Variants in SUFU observed in about 807,000 individuals in gnomAD.
SUFU encodes the protein SUFU negative regulator of hedgehog signaling.
Under a neutral mutation model 58.9 loss-of-function variants are expected in SUFU, and 7 were observed. The observed-to-expected ratio is 0.12, with a 90% CI of 0.07 to 0.22. The LOEUF is 0.22. Ranked by LOEUF, SUFU falls within the 10% of genes least tolerant of loss-of-function variation. SUFU has a pLI of 1.00. For synonymous variants in SUFU, 232 were observed against 254.8 expected, an observed-to-expected ratio of 0.91 and a Z score of 0.85; for missense variants, 451 against 641.3, an observed-to-expected ratio of 0.70 and a Z score of 3.20.
In SUFU at chr10:102,568,874, CAAAAAAAAAA is replaced by C. The variant is rs59877393; in HGVS notation, c.454+18783_454+18792del. On this transcript the variant is annotated intron_variant, in intron 3 of 11. Transcript: ENST00000369902. ...GGGCGACAAGAGCAAAACTCTGTCT[CAAAAAAAAAA>C]AAAAAAAAAAAAAATATATATATAT... is the stretch of plus-strand genomic sequence containing the variant. Among the ~76,000 whole-genome samples, 16 of 14,542 alleles carry C rather than the reference CAAAAAAAAAA, an allele frequency of 1.1e-3. 2 individuals are homozygous for C. The highest frequency in any genetic ancestry group is 4.8e-3 in the African/African-American group (14 of 2,906). The allele number at this position is 14,542 out of a possible 152,430, so 9.5% of individuals were successfully genotyped here.
At chr10:102,547,962 G>A (rs1251776077) in intron 2 of SUFU, among the ~76,000 whole-genome samples, 1 of 151,994 alleles carries the variant, frequency 6.6e-6, no homozygotes, top group Non-Finnish European at 1.5e-5. Context: ...ACCAGTCTGG[G>A]CAACATAGGG....
chr10:102,557,141 G>T (rs1277168779), intron 3 of SUFU, among the ~76,000 whole-genome samples: 1 of 151,840 alleles, frequency 6.6e-6, no homozygotes, highest in Non-Finnish European at 1.5e-5. Flanking sequence ...TACTTGGGAG[G>T]CTGAGTTTGA....
chr10:102,527,035 C>A (rs373073408), intron 2 of SUFU, among the ~76,000 whole-genome samples: 3 of 125,774 alleles, frequency 2.4e-5, no homozygotes, highest in African/African-American at 6.2e-5. Context: ...CTCGCTCTGT[C>A]GCCCAGGCTG....
chr10:102,596,444 C>T (rs1014056872), intron 6 of SUFU, among the ~76,000 whole-genome samples: 1 of 152,164 alleles, frequency 6.6e-6, no homozygotes, highest in African/African-American at 2.4e-5. Context: ...AGTACCAAGG[C>T]CTGCACAAAG....
chr10:102,603,635 T>G lies in SUFU; in HGVS notation c.1022+4091T>G, dbSNP rs141667426. Among the ~76,000 whole-genome samples, 1,455 of 152,232 alleles carry G rather than the reference T, an allele frequency of 9.6e-3. 18 individuals are homozygous for G. The highest frequency in any genetic ancestry group is 0.034 in the Middle Eastern group (10 of 294). ...AGCTTTTAAGACCTTTAAAAAATTT[T>G]TTTTGCCTTAATTTCATGGAGAATT... On this transcript the variant is annotated intron_variant, in intron 8 of 11. Transcript: ENST00000369902.
chr10:102,538,639 A>C (rs2062767680), intron 2 of SUFU, among the ~76,000 whole-genome samples: 1 of 151,948 alleles, frequency 6.6e-6, no homozygotes, highest in Admixed American at 6.6e-5. Context: ...ATGCACACAC[A>C]CACATGTATG....
chr10:102,516,125 CTTTT>C (rs60544094), intron 2 of SUFU, among the ~76,000 whole-genome samples: 83 of 125,574 alleles, frequency 6.6e-4, no homozygotes, highest in Admixed American at 1.1e-3. Flanking sequence ...TCTTTCTTTT[CTTTT>C]TTTTTTTTTT....
chr10:102,567,735 G>T (rs1054865263), intron 3 of SUFU, among the ~76,000 whole-genome samples: 2 of 152,172 alleles, frequency 1.3e-5, no homozygotes, highest in Non-Finnish European at 2.9e-5. Context: ...GCAGCAGGTA[G>T]ACTCTGAAAC....
intron 3 of SUFU, among the ~76,000 whole-genome samples, chr10:102,589,021 C>T (rs969071035): frequency 6.6e-6 from 1 of 152,092 alleles, no homozygotes; most frequent in Non-Finnish European, 1.5e-5. Context: ...CTTCTGGGCT[C>T]AAGCCATCCT....
At chr10:102,559,953 C>A (rs893987979) in intron 3 of SUFU, among the ~76,000 whole-genome samples, 2 of 152,174 alleles carry the variant, frequency 1.3e-5, no homozygotes, top group African/African-American at 4.8e-5. Flanking sequence ...GCTCAGTTGG[C>A]TCGATTTGTG....
rs1755882768 is a variant in SUFU, at chr10:102,504,056, G to C, written c.-97G>C. On this transcript the variant is annotated 5_prime_UTR_variant, in exon 1 of 12. Transcript: ENST00000369902. ...ACCTCGCTGCAGCCCCCATCGCCTC[G>C]GGGAGTCTCACCCACCGAGTCCGCC... is the stretch of plus-strand genomic sequence containing the variant. The C allele has an allele frequency of 1.4e-6, 2 of 1,438,668 alleles. No individual in the cohort carries two copies. Among genetic ancestry groups the C allele is most frequent in the Non-Finnish European group, 1.8e-6 (2 of 1,094,456 alleles). 89.1% of individuals were successfully genotyped at this position (1,438,668 alleles called of 1,614,324 possible).
intron 2 of SUFU, among the ~76,000 whole-genome samples, chr10:102,533,605 G>A (rs753049585): frequency 6.6e-6 from 1 of 151,932 alleles, no homozygotes; most frequent in Non-Finnish European, 1.5e-5. Flanking sequence ...GGGAGAATTC[G>A]TTTCCTTGCT....
intron 3 of SUFU, among the ~76,000 whole-genome samples, chr10:102,582,147 C>T (rs2063286828): frequency 6.6e-6 from 1 of 152,190 alleles, no homozygotes; most frequent in Non-Finnish European, 1.5e-5. Flanking sequence ...CTTCACGCTC[C>T]TGGGCTCCCA....
chr10:102,532,145 T>A (rs1431670713), intron 2 of SUFU, among the ~76,000 whole-genome samples: 1 of 152,040 alleles, frequency 6.6e-6, no homozygotes, highest in Non-Finnish European at 1.5e-5. Flanking sequence ...TATTATTATT[T>A]TTGGTAGAAA....
rs1234394902 is a variant in SUFU at position 102,504,026 on chromosome 10, G to T, written c.-127G>T. 1.5e-6 allele frequency: 2 copies of T among 1,318,440 alleles called. No individual in the cohort carries two copies. Among genetic ancestry groups the T allele is most frequent in the East Asian group, 5.3e-5 (2 of 37,428 alleles). The allele number at this position is 1,318,440 out of a possible 1,614,324, so 81.7% of individuals were successfully genotyped here. A position where few individuals can be genotyped will look rare whatever the true frequency, so the allele number is the denominator to read the frequency against. On this transcript the variant is annotated 5_prime_UTR_variant, in exon 1 of 12. Transcript: ENST00000369902. ...ACAGTGCGCCGTGCGCAGGCGCGGA[G>T]CTAGACCTCGCTGCAGCCCCCATCG...
At chr10:102,560,227 G>A (rs757270325) in intron 3 of SUFU, among the ~76,000 whole-genome samples, 4 of 152,128 alleles carry the variant, frequency 2.6e-5, no homozygotes, top group Non-Finnish European at 4.4e-5. Flanking sequence ...GAAAACTTTG[G>A]TGTTCCTCTT....
rs2063724012 is a variant in SUFU, at chr10:102,619,729, G to A, written c.1296+2301G>A. The stretch of plus-strand genomic sequence containing the variant: ...TTCTCCCTCTGACTGCCAGCCAGCC[G>A]CCCCTGTTAGGGTCCTGCCACTGTG... On this transcript the variant is annotated intron_variant, in intron 10 of 11. Coordinates refer to ENST00000369902, the MANE Select transcript of SUFU (RefSeq NM_016169.4). This position sits in a 1 kb window ranked among gnomAD's most constrained non-coding sequence, Gnocchi z 4.2. Among the ~76,000 whole-genome samples the A allele has an allele frequency of 6.6e-6, 1 of 152,200 alleles. No homozygotes were observed. The highest frequency in any genetic ancestry group is 1.5e-5 in the Non-Finnish European group (1 of 68,024).
At chr10:102,514,448 G>A (rs1270726828) in intron 2 of SUFU, among the ~76,000 whole-genome samples, 1 of 152,198 alleles carries the variant, frequency 6.6e-6, no homozygotes, top group Non-Finnish European at 1.5e-5. Flanking sequence ...AAGGAAACCA[G>A]GCAAGAGAGC....
intron 2 of SUFU, among the ~76,000 whole-genome samples, chr10:102,534,522 A>G (rs1425756097): frequency 1.3e-5 from 2 of 152,230 alleles, no homozygotes; most frequent in African/African-American, 2.4e-5. Flanking sequence ...GGAAATGTTC[A>G]CGTTCTGCTT....
Sources: allele counts gnomAD v4.1 joint callset (sites outside exome capture counted in the v4.1 genomes callset), GRCh38; gene constraint gnomAD v4.1.1; non-coding constraint Gnocchi (gnomAD v3.1); transcripts MANE v1.5; gene names NCBI Gene and HGNC (gene_info 2026-07-23, HGNC 2026-07-21).